The following ATM variants were observed in gnomAD, a reference collection of about 807,000 sequenced individuals.
ATM encodes serine-protein kinase ATM.
In ATM, 308 loss-of-function variants were observed where a neutral mutation model predicts 387.0. The ratio of observed to expected loss-of-function variants is 0.80; its 90% CI spans 0.73 to 0.87. ATM has a LOEUF of 0.87. Among genes scored for constraint, ATM ranks in the 40% least tolerant of loss-of-function variants. The pLI, the probability that ATM is intolerant of heterozygous loss-of-function variation, is 0.00. For missense variants in ATM, 3,312 were observed against 3,560.9 expected, an observed-to-expected ratio of 0.93 and a Z score of 1.78; for synonymous variants, 1,156 against 1,187.3, an observed-to-expected ratio of 0.97 and a Z score of 0.54.
intron 61 of ATM, among the ~76,000 whole-genome samples, chr11:108,363,418 A>T (rs915881763): frequency 6.6e-6 from 1 of 152,090 alleles, no homozygotes; most frequent in Non-Finnish European, 1.5e-5. Context: ...CTCCTCTAAG[A>T]TTTTATGTGT....
intron 34 of ATM, 87 bp downstream of exon 34, chr11:108,299,972 T>G: frequency 7.7e-7 from 1 of 1,291,234 alleles, no homozygotes; most frequent in Non-Finnish European, 1.1e-6. Flanking sequence ...TCTCAGTAAC[T>G]AAAGCTTTGT....
chr11:108,260,698 C>T (rs933243658), intron 16 of ATM, among the ~76,000 whole-genome samples: 7 of 152,142 alleles, frequency 4.6e-5, no homozygotes, highest in Non-Finnish European at 8.8e-5. Flanking sequence ...ACGCAGAAGA[C>T]GGGTGATTTC....
intron 6 of ATM, 75 bp from the exon 7 acceptor site, chr11:108,244,713 C>A: frequency 2.7e-6 from 3 of 1,129,038 alleles, no homozygotes; most frequent in Non-Finnish European, 4.0e-6. Flanking sequence ...TTTCAGCATA[C>A]CACTTCATAA....
chr11:108,229,210 A>G lies in ATM; in HGVS notation c.218A>G (p.Glu73Gly). 6.2e-7 allele frequency: 1 copy of G among 1,613,266 alleles called. No individual in the cohort carries two copies. Among genetic ancestry groups the G allele is most frequent in the Non-Finnish European group, 8.5e-7 (1 of 1,179,604 alleles). Residue 73 changes from glutamate (E) to glycine (G), a missense_variant, in exon 4 of 63, where the codon GAA becomes GGA. This residue lies in a region of ATM where 1,791 missense variants were observed against 1,804.5 expected (regional missense o/e 0.99). Transcript: ENST00000675843. ...FLQKYIQKET[E>G]CLRIAKPNVS... ...CAGAAATATATTCAGAAAGAAACAG[A>G]ATGTCTGAGAATAGCAAAACCAAAT...
chr11:108,262,479 G>GGAA (rs2080958151), intron 16 of ATM, among the ~76,000 whole-genome samples: 1 of 152,164 alleles, frequency 6.6e-6, no homozygotes, highest in African/African-American at 2.4e-5. Flanking sequence ...AGCTCCTGAA[G>GGAA]GAAGCATTAA....
At chr11:108,344,981 T>A (rs1217265956) in intron 57 of ATM, among the ~76,000 whole-genome samples, 1 of 151,526 alleles carries the variant, frequency 6.6e-6, no homozygotes, top group Admixed American at 6.6e-5. Flanking sequence ...CCAGTCCAGG[T>A]GACAGAGACC....
At chr11:108,232,428 A>T (rs377417973) in intron 4 of ATM, among the ~76,000 whole-genome samples, 10 of 151,780 alleles carry the variant, frequency 6.6e-5, no homozygotes, top group African/African-American at 2.2e-4. Flanking sequence ...CTTGCTTAGC[A>T]TTGGTATCCA....
chr11:108,299,120 A>G (rs1265919981), intron 33 of ATM, among the ~76,000 whole-genome samples: 2 of 152,188 alleles, frequency 1.3e-5, no homozygotes, highest in Non-Finnish European at 2.9e-5. Flanking sequence ...AGTAAATACC[A>G]TCATGATGGA....
At chr11:108,357,590 G>T (rs2090153124) in intron 61 of ATM, among the ~76,000 whole-genome samples, 1 of 152,188 alleles carries the variant, frequency 6.6e-6, no homozygotes, top group Non-Finnish European at 1.5e-5. Context: ...GCACGCAGCT[G>T]GAGATCGGAC....
At chr11:108,249,273 A>G (rs534323339) in intron 9 of ATM, among the ~76,000 whole-genome samples, 171 bp downstream of exon 9, 4 of 152,240 alleles carry the variant, frequency 2.6e-5, no homozygotes, top group Non-Finnish European at 5.9e-5. Flanking sequence ...GAGATCAATC[A>G]TTAATGGCTC....
At chr11:108,259,388 C>T (rs2080723217) in intron 16 of ATM, among the ~76,000 whole-genome samples, 2 of 152,112 alleles carry the variant, frequency 1.3e-5, no homozygotes. Context: ...ACTCGGGAGG[C>T]TGAGGCAGAA....
chr11:108,312,619 A>G (rs995713122), intron 40 of ATM, 121 bp downstream of exon 40: 7 of 708,384 alleles, frequency 9.9e-6, no homozygotes, highest in Non-Finnish European at 1.7e-5. Flanking sequence ...TGGACTAAGC[A>G]TCATATATAT....
chr11:108,303,898 G>T (rs2083547300), intron 36 of ATM, among the ~76,000 whole-genome samples: 1 of 152,134 alleles, frequency 6.6e-6, no homozygotes, highest in African/African-American at 2.4e-5. Flanking sequence ...CACCCCATTT[G>T]TGGTACTTTA....
chr11:108,290,947 G>C (rs184856247), intron 29 of ATM, among the ~76,000 whole-genome samples: 1 of 152,028 alleles, frequency 6.6e-6, no homozygotes, highest in African/African-American at 2.4e-5. Context: ...TAGAATTGGG[G>C]TTGTTCGGCC....
intron 29 of ATM, among the ~76,000 whole-genome samples, chr11:108,291,722 T>G (rs1198475532): frequency 6.6e-6 from 1 of 152,170 alleles, no homozygotes; most frequent in African/African-American, 2.4e-5. Flanking sequence ...TGAGGAAGCA[T>G]GAGAGGAGAA....
At chr11:108,283,194 C>T (rs2082325562) in intron 25 of ATM, among the ~76,000 whole-genome samples, 1 of 152,168 alleles carries the variant, frequency 6.6e-6, no homozygotes, top group South Asian at 2.1e-4. Flanking sequence ...AGGTCCTTTT[C>T]AGCTTTAATA....
At chr11:108,285,981 G>A (rs2082470309) in intron 26 of ATM, among the ~76,000 whole-genome samples, 1 of 152,182 alleles carries the variant, frequency 6.6e-6, no homozygotes, top group Non-Finnish European at 1.5e-5. Flanking sequence ...CTTGCCTCAA[G>A]AATGAAGAAC....
intron 61 of ATM, among the ~76,000 whole-genome samples, chr11:108,358,045 GA>G (rs1365528179): frequency 1.4e-5 from 2 of 144,294 alleles, no homozygotes; most frequent in African/African-American, 2.5e-5. Context: ...TGACAACTTT[GA>G]AAAAAATTTA....
chr11:108,234,245 G>A (rs975495012), intron 4 of ATM, among the ~76,000 whole-genome samples: 2 of 152,142 alleles, frequency 1.3e-5, no homozygotes, highest in African/African-American at 4.8e-5. Flanking sequence ...TTATATCAGT[G>A]TATATTTGTT....
Sources: allele counts gnomAD v4.1 joint callset (sites outside exome capture counted in the v4.1 genomes callset), GRCh38; gene constraint gnomAD v4.1.1; regional missense constraint gnomAD v4.1.1; transcripts MANE v1.5; gene names NCBI Gene and HGNC (gene_info 2026-07-23, HGNC 2026-07-21).